The following SEC14L5 variants were observed in gnomAD, a reference collection of about 807,000 sequenced individuals.
The protein encoded by SEC14L5 is SEC14-like protein 5.
A neutral mutation model predicts 84.6 loss-of-function variants in SEC14L5; 96 were observed. The observed-to-expected ratio is 1.13, with a 90% confidence interval of 0.96 to 1.34. The LOEUF is 1.34. Among genes scored for constraint, SEC14L5 ranks in the 40% most tolerant of loss-of-function variants. SEC14L5 has a pLI of 0.00. For synonymous variants in SEC14L5, 546 were observed against 383.4 expected (o/e 1.42, Z -4.95); for missense variants, 1,224 against 942.5 (o/e 1.30, Z -3.91).
At position 5,003,528 on chromosome 16, in the gene SEC14L5, G is replaced by A; in HGVS notation, c.1257G>A (p.Leu419=). ...EDNYPETLGR[L]LIVRAPRVFP... ...ATTACCCAGAGACCCTGGGTCGGCT[G>A]CTCATCGTGCGAGCCCCCCGAGTCT... is the stretch of plus-strand genomic sequence containing the variant. The change falls in exon 11 of 16, where the codon CTG becomes CTA. Residue 419 remains leucine (L), a synonymous_variant. Coordinates refer to ENST00000251170, the MANE Select transcript of SEC14L5 (RefSeq NM_014692.2). 1 of 1,543,434 alleles carries A rather than the reference G, an allele frequency of 6.5e-7. No homozygotes were observed. Among genetic ancestry groups the A allele is most frequent in the South Asian group, 1.1e-5 (1 of 90,084 alleles).
intron 2 of SEC14L5, among the ~76,000 whole-genome samples, chr16:4,971,598 A>T (rs74730864): frequency 0.027 from 4,060 of 152,296 alleles, 77 homozygotes; most frequent in Middle Eastern, 0.054. Context: ...TTACTCATTT[A>T]TTCACCTGCC....
In SEC14L5 at chr16:4,996,924, A is replaced by G; in HGVS notation, c.850A>G (p.Met284Val). Residue 284 changes from methionine (M) to valine (V), a missense_variant, in exon 8 of 16, where the codon ATG becomes GTG. Coordinates refer to ENST00000251170, the MANE Select transcript of SEC14L5 (RefSeq NM_014692.2). Reference protein sequence around the residue: ...HDFHLDKAREMLRQSLSWRKQ... With the variant: ...HDFHLDKAREVLRQSLSWRKQ... ...CTTCCACCTGGACAAGGCCCGGGAA[A>G]TGCTGCGCCAGTCCTTGAGCTGGCG... 1 of 1,613,736 alleles carries G rather than the reference A, an allele frequency of 6.2e-7. No individual in the cohort carries two copies. The highest frequency in any genetic ancestry group is 8.5e-7 in the Non-Finnish European group (1 of 1,179,800).
At chr16:4,982,383 A>G (rs912288808) in intron 2 of SEC14L5, among the ~76,000 whole-genome samples, 1 of 152,190 alleles carries the variant, frequency 6.6e-6, no homozygotes, top group African/African-American at 2.4e-5. Flanking sequence ...GGTCAGCCAC[A>G]GATGCTGGGA....
At chr16:4,960,238 C>T (rs191888297) in intron 2 of SEC14L5, among the ~76,000 whole-genome samples, 4 of 152,314 alleles carry the variant, frequency 2.6e-5, no homozygotes, top group East Asian at 3.9e-4. Context: ...TACAAGGTTG[C>T]GGGGAGGAGT....
chr16:4,960,519 T>G (rs1241668961), intron 2 of SEC14L5: 1 of 152,212 alleles, frequency 6.6e-6, no homozygotes, highest in East Asian at 1.9e-4. Flanking sequence ...ATATGTTTAT[T>G]GTCACACAGA....
Position 4,987,725 on chromosome 16 carries a change from G to A in SEC14L5, c.213+19G>A. On this transcript the variant is annotated intron_variant, in intron 3 of 15. Coordinates refer to ENST00000251170, the MANE Select transcript of SEC14L5 (RefSeq NM_014692.2). Reference sequence around the variant, plus strand: ...GCGGAAGGTGGGCGGCCCTGGGGCTGGGGGGCGGAGGAGGGGACCTGTTGC... The same window carrying A: ...GCGGAAGGTGGGCGGCCCTGGGGCTAGGGGGCGGAGGAGGGGACCTGTTGC... 4 of 1,471,994 alleles carry A rather than the reference G, an allele frequency of 2.7e-6. No individual in the cohort carries two copies. The highest frequency in any genetic ancestry group is 3.6e-6 in the Non-Finnish European group (4 of 1,118,518). 91.2% of individuals were successfully genotyped at this position (1,471,994 alleles called of 1,614,324 possible). A position where few individuals can be genotyped will look rare whatever the true frequency, so the allele number is the denominator to read the frequency against.
intron 2 of SEC14L5, among the ~76,000 whole-genome samples, chr16:4,983,153 C>T (rs1955443641): frequency 6.6e-6 from 1 of 151,928 alleles, no homozygotes; most frequent in African/African-American, 2.4e-5. Flanking sequence ...CAAACATGTG[C>T]CACCATGCCC....
chr16:4,988,773 A>C (rs1955522730), intron 4 of SEC14L5, among the ~76,000 whole-genome samples: 2 of 152,256 alleles, frequency 1.3e-5, no homozygotes, highest in East Asian at 3.8e-4. Flanking sequence ...AATAATAATC[A>C]TAATTATTCT....
At position 4,996,846 on chromosome 16, in the gene SEC14L5, G is replaced by T; in HGVS notation, c.781-9G>T. Reference sequence around the variant, plus strand: ...CGTTCTGTGGGCTTTTTACTTCTTTGTCTCTCAGATTCCCAAAGATGAGCA... The same window carrying T: ...CGTTCTGTGGGCTTTTTACTTCTTTTTCTCTCAGATTCCCAAAGATGAGCA... On this transcript the variant is annotated splice_polypyrimidine_tract_variant and intron_variant, in intron 7 of 15. Coordinates refer to ENST00000251170, the MANE Select transcript of SEC14L5 (RefSeq NM_014692.2). 1 of 1,603,926 alleles carries T rather than the reference G, an allele frequency of 6.2e-7. No individual in the cohort carries two copies. Among genetic ancestry groups the T allele is most frequent in the Non-Finnish European group, 8.5e-7 (1 of 1,175,222 alleles).
chr16:5,008,474 C>A lies in SEC14L5; in HGVS notation c.1626C>A (p.Ile542=). The A allele has an allele frequency of 6.2e-7, 1 of 1,613,594 alleles. No individual in the cohort carries two copies. Among genetic ancestry groups the A allele is most frequent in the Non-Finnish European group, 8.5e-7 (1 of 1,179,778 alleles). Residue 542 remains isoleucine (I), a synonymous_variant, in exon 14 of 16, where the codon ATC becomes ATA. Transcript: ENST00000251170. Reference sequence around the variant, plus strand: ...CGGTCATCACCTGGGACTTTGACATCCTGCGAGGGGACGTGGTGTTCAGCC... The same window carrying A: ...CGGTCATCACCTGGGACTTTGACATACTGCGAGGGGACGTGGTGTTCAGCC... ...GESVITWDFD[I]LRGDVVFSLY...
At position 4,979,250 on chromosome 16, in the gene SEC14L5, C is replaced by T. The variant is rs115505233; in HGVS notation, c.64-8307C>T. Among the ~76,000 whole-genome samples, 771 of 152,252 alleles carry T rather than the reference C, an allele frequency of 5.1e-3. 5 individuals carry two copies. The highest frequency in any genetic ancestry group is 0.017 in the African/African-American group (725 of 41,542). The stretch of plus-strand genomic sequence containing the variant: ...GTGTGGGAGTGTCTTGAGTGTTGGG[C>T]TGTCCTTCAGAGATCAAGGCACTGT... On this transcript the variant is annotated intron_variant, in intron 2 of 15. Coordinates refer to ENST00000251170, the MANE Select transcript of SEC14L5 (RefSeq NM_014692.2).
intron 15 of SEC14L5, among the ~76,000 whole-genome samples, chr16:5,012,798 A>C (rs1369104798): frequency 6.6e-6 from 1 of 152,062 alleles, no homozygotes; most frequent in African/African-American, 2.4e-5. Context: ...AGGAGGCTGA[A>C]GCAGGAGAAT....
At position 4,959,374 on chromosome 16, in the gene SEC14L5, G is replaced by A. The variant is rs1596608398; in HGVS notation, c.51G>A (p.Glu17=). 6.2e-7 allele frequency: 1 copy of A among 1,613,868 alleles called. No homozygotes were observed. Among genetic ancestry groups the A allele is most frequent in the South Asian group, 1.1e-5 (1 of 91,080 alleles). The change falls in exon 2 of 16, where the codon GAG becomes GAA. Residue 17 remains glutamate (E), a synonymous_variant. Coordinates refer to ENST00000251170, the MANE Select transcript of SEC14L5 (RefSeq NM_014692.2). ...TCCGAGTCTACAAGTACCCGTTTGA[G>A]CTGGTCATGGCGGTGAGTGACTCCT... ...SPVRVYKYPF[E]LVMAAYEKRF... is the part of the protein sequence containing the mutation.
In SEC14L5 at chr16:5,014,913, C is replaced by G. The variant is rs537226718; in HGVS notation, c.2034C>G (p.Ala678=). The G allele has an allele frequency of 2.5e-6, 4 of 1,613,482 alleles. No homozygotes were observed. In the South Asian group the frequency reaches 4.4e-5, roughly 18 times the overall value. The change falls in exon 16 of 16, where the codon GCC becomes GCG. Residue 678 remains alanine (A), a synonymous_variant. Transcript: ENST00000251170. Reference sequence around the variant, plus strand: ...CCAGCGGCTTCTCCCAGCTCAGCGCCGCCACCTCGTCCTCCTCCTCCGGCC... The same window carrying G: ...CCAGCGGCTTCTCCCAGCTCAGCGCGGCCACCTCGTCCTCCTCCTCCGGCC... ...SCTSGFSQLS[A]ATSSSSSGQS...
chr16:4,963,904 C>T (rs1402512823), intron 2 of SEC14L5, among the ~76,000 whole-genome samples: 1 of 152,176 alleles, frequency 6.6e-6, no homozygotes, highest in Non-Finnish European at 1.5e-5. Flanking sequence ...CCAGCCTGGT[C>T]TTGAACTCCT....
rs370755352 is a variant in SEC14L5 at position 5,011,163 on chromosome 16, C to T, written c.1869C>T (p.Ser623=). ...LQWQMHSPPS[S]VACSLPGVDD... ...GGCAAATGCACAGCCCCCCCAGCAGCGTGGCCTGCAGCCTCCCGGGTGTGG... is the reference window on the plus strand; with the variant it reads ...GGCAAATGCACAGCCCCCCCAGCAGTGTGGCCTGCAGCCTCCCGGGTGTGG... Residue 623 remains serine (S), a synonymous_variant, in exon 15 of 16, where the codon AGC becomes AGT. Transcript: ENST00000251170. 11 of 1,613,174 alleles carry T rather than the reference C, an allele frequency of 6.8e-6. No homozygotes were observed. The highest frequency in any genetic ancestry group is 2.2e-5 in the South Asian group (2 of 90,944).
Position 4,990,803 on chromosome 16 carries a change from C to CA in SEC14L5, c.383dup (p.Ser129ValfsTer13). 3.7e-6 allele frequency: 6 copies of CA among 1,611,758 alleles called. No homozygotes were observed. Among genetic ancestry groups the CA allele is most frequent in the Non-Finnish European group, 5.1e-6 (6 of 1,178,788 alleles). ...GAATGAAGACTGGACTTGCTTCGAGCAGTCTGCCTCACTGGACATTCGGTC... is the reference window on the plus strand; with the variant it reads ...GAATGAAGACTGGACTTGCTTCGAGCAAGTCTGCCTCACTGGACATTCGGTC... On this transcript the variant is annotated frameshift_variant, in exon 5 of 16. Coordinates refer to ENST00000251170, the MANE Select transcript of SEC14L5 (RefSeq NM_014692.2). LOFTEE classifies it high-confidence loss of function.
At position 5,004,980 on chromosome 16, in the gene SEC14L5, G is replaced by A. The variant is rs554025468; in HGVS notation, c.1303-934G>A. Among the ~76,000 whole-genome samples, 111 of 152,292 alleles carry A rather than the reference G, an allele frequency of 7.3e-4. No homozygotes were observed. In the South Asian group the frequency reaches 0.021, roughly 29 times the overall value. On this transcript the variant is annotated intron_variant, in intron 11 of 15. Coordinates refer to ENST00000251170, the MANE Select transcript of SEC14L5 (RefSeq NM_014692.2). ...ATGCTCAGTGAAAGGGGCCAGACAC[G>A]GAAGTCCATGTACTGTGTGATCTCC...
intron 14 of SEC14L5, among the ~76,000 whole-genome samples, chr16:5,009,680 G>C (rs1174211617): frequency 1.3e-5 from 2 of 152,084 alleles, no homozygotes; most frequent in Non-Finnish European, 2.9e-5. Context: ...ACGTTCTGAG[G>C]TTCTGGCTGG....
Sources: gnomAD v4.1 joint callset for allele counts (sites outside exome capture counted in the v4.1 genomes callset) on GRCh38, gnomAD v4.1.1 for gene constraint, MANE v1.5 for transcripts, NCBI Gene and HGNC (gene_info 2026-07-23, HGNC 2026-07-21) for gene names.